The following MAP3K5 variants were observed in gnomAD, a reference collection of about 807,000 sequenced individuals.
The protein encoded by MAP3K5 is mitogen-activated protein kinase kinase kinase 5, also known as ASK-1.
In MAP3K5, 56 loss-of-function variants were observed where a neutral mutation model predicts 158.7. The ratio of observed to expected loss-of-function variants is 0.35; its 90% CI spans 0.28 to 0.44. The LOEUF (loss-of-function observed/expected upper bound fraction) is 0.44. Ranked by LOEUF, MAP3K5 falls within the 20% of genes least tolerant of loss-of-function variation. The pLI is 1.00. For missense variants in MAP3K5, 1,294 were observed against 1,674.8 expected (o/e 0.77, Z 3.97); for synonymous variants, 579 against 601.7 (o/e 0.96, Z 0.55).
intron 19 of MAP3K5, among the ~76,000 whole-genome samples, chr6:136,604,434 T>A (rs1247019165): frequency 6.7e-6 from 1 of 150,244 alleles, no homozygotes; most frequent in Non-Finnish European, 1.5e-5. Context: ...AAATAAATAA[T>A]TTTTTTTTAA....
At chr6:136,673,080 G>C (rs2114546700) in intron 7 of MAP3K5, among the ~76,000 whole-genome samples, 1 of 151,900 alleles carries the variant, frequency 6.6e-6, no homozygotes, top group Non-Finnish European at 1.5e-5. Flanking sequence ...CTCAAGGACA[G>C]ATAAGAAATC....
At chr6:136,782,436 T>C (rs1186766590) in intron 1 of MAP3K5, among the ~76,000 whole-genome samples, 4 of 152,214 alleles carry the variant, frequency 2.6e-5, no homozygotes, top group African/African-American at 9.6e-5. Flanking sequence ...ATACTGACTA[T>C]GGCAGCTCTC....
At chr6:136,755,084 A>G (rs1783416051) in intron 1 of MAP3K5, among the ~76,000 whole-genome samples, 1 of 152,080 alleles carries the variant, frequency 6.6e-6, no homozygotes, top group African/African-American at 2.4e-5. Flanking sequence ...TTCGCAACAC[A>G]AAATTCATGT....
intron 7 of MAP3K5, among the ~76,000 whole-genome samples, chr6:136,670,119 C>A (rs1291259683): frequency 6.6e-6 from 1 of 151,978 alleles, no homozygotes; most frequent in Admixed American, 6.6e-5. Flanking sequence ...TCTCTACATA[C>A]TAATTTTGGC....
chr6:136,685,709 T>A (rs867207293), intron 7 of MAP3K5, among the ~76,000 whole-genome samples: 10 of 152,122 alleles, frequency 6.6e-5, no homozygotes, highest in Non-Finnish European at 1.5e-4. Context: ...ACTGACTACC[T>A]GCCCTAACAC....
chr6:136,607,937 G>A (rs149221960), intron 18 of MAP3K5, among the ~76,000 whole-genome samples: 1 of 152,166 alleles, frequency 6.6e-6, no homozygotes, highest in Non-Finnish European at 1.5e-5. Flanking sequence ...ATATAGACCC[G>A]AGTGAAGAGG....
chr6:136,605,370 G>C lies in MAP3K5; in HGVS notation c.2522-4C>G, dbSNP rs374117989. The C allele has an allele frequency of 6.9e-5, 110 of 1,602,742 alleles. No individual in the cohort carries two copies. In the East Asian group the frequency reaches 1.8e-3, roughly 27 times the overall value. ...GGTGCCATATACTGGAGGGTACCTG[G>C]AAACAATTCAAACACATTTCCATTT... is the stretch of plus-strand genomic sequence containing the variant. On this transcript the variant is annotated splice_polypyrimidine_tract_variant and splice_region_variant and intron_variant, in intron 18 of 29. Coordinates refer to ENST00000359015, the MANE Select transcript of MAP3K5 (RefSeq NM_005923.4).
chr6:136,656,224 A>G, intron 10 of MAP3K5, 83 bp downstream of exon 10: 2 of 1,248,154 alleles, frequency 1.6e-6, no homozygotes, highest in Non-Finnish European at 2.3e-6. Flanking sequence ...ACCAAAAATC[A>G]GCCCCCAAGC....
intron 1 of MAP3K5, among the ~76,000 whole-genome samples, chr6:136,724,093 C>G (rs1781855669): frequency 8.6e-5 from 13 of 151,832 alleles, no homozygotes; most frequent in Admixed American, 8.5e-4. Context: ...AAAACACTTA[C>G]TGATGAAAAA....
At chr6:136,747,349 A>C (rs1245375641) in intron 1 of MAP3K5, among the ~76,000 whole-genome samples, 1 of 152,240 alleles carries the variant, frequency 6.6e-6, no homozygotes, top group Non-Finnish European at 1.5e-5. Flanking sequence ...TGGTCCCTTC[A>C]TAGGGCAGCA....
intron 8 of MAP3K5, among the ~76,000 whole-genome samples, chr6:136,661,034 A>G (rs186863560): frequency 6.6e-6 from 1 of 152,058 alleles, no homozygotes; most frequent in Admixed American, 6.5e-5. Context: ...TGAACTGGAC[A>G]TTCCATCTTA....
chr6:136,592,091 T>C (rs1262170812), intron 23 of MAP3K5, 82 bp downstream of exon 23: 25 of 1,328,742 alleles, frequency 1.9e-5, no homozygotes, highest in Non-Finnish European at 2.5e-5. Context: ...GCCTTTCACA[T>C]CATCTGTGAC....
rs778935423 is a variant in MAP3K5, at chr6:136,567,613, C to T, written c.3761+18G>A. 5 of 1,592,940 alleles carry T rather than the reference C, an allele frequency of 3.1e-6. No individual in the cohort carries two copies. Among genetic ancestry groups the T allele is most frequent in the Non-Finnish European group, 3.4e-6 (4 of 1,167,534 alleles). The stretch of plus-strand genomic sequence containing the variant: ...AAGTAAAAGAAAAGAAACCAACCCA[C>T]GTCAGTGTAGGACTTACCTATTGGT... On this transcript the variant is annotated intron_variant, in intron 26 of 29. Transcript: ENST00000359015.
intron 1 of MAP3K5, among the ~76,000 whole-genome samples, chr6:136,748,533 G>C (rs900777404): frequency 6.6e-6 from 1 of 152,048 alleles, no homozygotes; most frequent in Non-Finnish European, 1.5e-5. Context: ...AAAATATGGG[G>C]GAGTGTTCTT....
At chr6:136,653,752 C>T (rs190713325) in intron 10 of MAP3K5, among the ~76,000 whole-genome samples, 53 of 152,234 alleles carry the variant, frequency 3.5e-4, no homozygotes, top group African/African-American at 8.7e-4. Flanking sequence ...AACAATCAAG[C>T]GGTTAATCCT....
intron 1 of MAP3K5, among the ~76,000 whole-genome samples, chr6:136,724,795 T>C (rs1035803048): frequency 1.4e-4 from 21 of 152,208 alleles, no homozygotes; most frequent in African/African-American, 4.6e-4. Context: ...TTAATTGTCA[T>C]AGAGCAAAAT....
chr6:136,655,755 A>G (rs778752617), intron 10 of MAP3K5, among the ~76,000 whole-genome samples: 2 of 152,006 alleles, frequency 1.3e-5, no homozygotes, highest in Non-Finnish European at 2.9e-5. Context: ...ATTTAAATCT[A>G]TATGTCTGAA....
chr6:136,768,311 A>G (rs1562689560), intron 1 of MAP3K5, among the ~76,000 whole-genome samples: 1 of 152,252 alleles, frequency 6.6e-6, no homozygotes, highest in Non-Finnish European at 1.5e-5. Flanking sequence ...CATATATTTG[A>G]TAAGGGGCTT....
chr6:136,670,834 G>A (rs990387407), intron 7 of MAP3K5, among the ~76,000 whole-genome samples: 1 of 151,962 alleles, frequency 6.6e-6, no homozygotes, highest in Non-Finnish European at 1.5e-5. Context: ...ATGTACCTAT[G>A]GAATATGAAA....
Sources: gnomAD v4.1 joint callset for allele counts (sites outside exome capture counted in the v4.1 genomes callset) on GRCh38, gnomAD v4.1.1 for gene constraint, MANE v1.5 for transcripts, NCBI Gene and HGNC (gene_info 2026-07-23, HGNC 2026-07-21) for gene names.